Variants in TTC29 observed in about 807,000 individuals in gnomAD.
TTC29 encodes tetratricopeptide repeat protein 29.
Under a neutral mutation model 58.1 loss-of-function variants are expected in TTC29, and 49 were observed. The observed-to-expected ratio is 0.84, with a 90% CI of 0.67 to 1.07. TTC29 has a LOEUF of 1.07. Among genes scored for constraint, TTC29 ranks in the 50% least tolerant of loss-of-function variants. The probability of loss-of-function intolerance (pLI) is 0.00; values close to 1 mark genes in which losing one functional copy is unlikely to be tolerated. For missense variants in TTC29, 582 were observed against 555.6 expected (o/e 1.05, Z -0.48); for synonymous variants, 209 against 196.8 (o/e 1.06, Z -0.52).
rs371730977 is a variant in TTC29 at position 146,894,742 on chromosome 4, A to T, written c.586+8802T>A. Among the ~76,000 whole-genome samples the T allele has an allele frequency of 2.8e-4, 43 of 152,298 alleles. No individual in the cohort carries two copies. The East Asian group carries it at 8.1e-3, about 29-fold the overall frequency. On this transcript the variant is annotated intron_variant, in intron 6 of 12. Coordinates refer to ENST00000325106, the MANE Select transcript of TTC29 (RefSeq NM_031956.4). ...TACCCAGTCTCAGGTAGTTCCTTAT[A>T]GCAATGTGAGAACAGACTAATATAG...
intron 11 of TTC29, among the ~76,000 whole-genome samples, chr4:146,722,594 T>C (rs1183612127): frequency 1.3e-5 from 2 of 152,104 alleles, no homozygotes; most frequent in African/African-American, 4.8e-5. Context: ...ATTCAATAAA[T>C]GGTGCTAGAA....
chr4:146,945,026 C>T lies in TTC29; in HGVS notation c.-7+5G>A, dbSNP rs890663277. 1 of 152,168 alleles carries T rather than the reference C, an allele frequency of 6.6e-6. No homozygotes were observed. The highest frequency in any genetic ancestry group is 1.5e-5 in the Non-Finnish European group (1 of 68,038). The allele number at this position is 152,168 out of a possible 1,614,324, so 9.4% of individuals were successfully genotyped here. A position where few individuals can be genotyped will look rare whatever the true frequency, so the allele number is the denominator to read the frequency against. ...TGAAGGCAAGCCATATTTCACGTGA[C>T]TTACATTTGCAGATTACTGCTGATG... is the stretch of plus-strand genomic sequence containing the variant. On this transcript the variant is annotated splice_donor_5th_base_variant and intron_variant, in intron 2 of 12. Coordinates refer to ENST00000325106, the MANE Select transcript of TTC29 (RefSeq NM_031956.4).
chr4:146,737,718 G>C (rs1468574994), intron 11 of TTC29, among the ~76,000 whole-genome samples: 1 of 152,082 alleles, frequency 6.6e-6, no homozygotes, highest in East Asian at 1.9e-4. Flanking sequence ...ATATTGCATG[G>C]GTTTGGATGG....
chr4:146,942,682 G>A, intron 2 of TTC29: 1 of 1,462,326 alleles, frequency 6.8e-7, no homozygotes, highest in Non-Finnish European at 9.1e-7. Flanking sequence ...CACCAGTGTA[G>A]CCCTAGTAAA....
At chr4:146,739,706 T>G (rs1380289123) in intron 11 of TTC29, among the ~76,000 whole-genome samples, 1 of 152,204 alleles carries the variant, frequency 6.6e-6, no homozygotes, top group African/African-American at 2.4e-5. Context: ...CTGTCTTTTA[T>G]ATTCATATAT....
intron 11 of TTC29, among the ~76,000 whole-genome samples, chr4:146,713,552 T>C (rs1233679811): frequency 2.0e-5 from 3 of 152,110 alleles, no homozygotes; most frequent in Non-Finnish European, 2.9e-5. Context: ...AGTAAAATAA[T>C]CAAGATGGAA....
chr4:146,881,049 A>G (rs1034775239), intron 6 of TTC29, among the ~76,000 whole-genome samples: 1 of 152,156 alleles, frequency 6.6e-6, no homozygotes, highest in African/African-American at 2.4e-5. Flanking sequence ...AAGTTTAAAT[A>G]AAATAATATC....
At chr4:146,833,057 CTT>C (rs1728271933) in intron 9 of TTC29, among the ~76,000 whole-genome samples, 3 of 152,122 alleles carry the variant, frequency 2.0e-5, no homozygotes, top group Admixed American at 2.0e-4. Context: ...GAAATTAGAA[CTT>C]AATACAATCT....
chr4:146,801,254 C>T (rs1034714025), intron 11 of TTC29, among the ~76,000 whole-genome samples: 5 of 152,078 alleles, frequency 3.3e-5, no homozygotes, highest in Admixed American at 1.3e-4. Flanking sequence ...CAGAATTTCA[C>T]GTCTTTTGAA....
rs1163667931 is a variant in TTC29 at position 146,762,817 on chromosome 4, AT to A, written c.1330+40639del. 7.9e-5 allele frequency among the ~76,000 whole-genome samples: 12 copies of A among 152,092 alleles called. No homozygotes were observed. In the South Asian group the frequency reaches 1.2e-3, roughly 16 times the overall value. On this transcript the variant is annotated intron_variant, in intron 11 of 12. Transcript: ENST00000325106. ...GTATATTTTCCAGAACATGGAAAAT[AT>A]TTTTTTATTTATTTCAAAAAAAGTA...
At chr4:146,801,333 G>A (rs555939814) in intron 11 of TTC29, among the ~76,000 whole-genome samples, 1 of 152,246 alleles carries the variant, frequency 6.6e-6, no homozygotes, top group South Asian at 2.1e-4. Context: ...CCAAATAGAA[G>A]GGCTACCCCT....
intron 11 of TTC29, among the ~76,000 whole-genome samples, chr4:146,758,393 G>C (rs1223372414): frequency 6.6e-6 from 1 of 151,940 alleles, no homozygotes; most frequent in Non-Finnish European, 1.5e-5. Flanking sequence ...ATAATAGCAG[G>C]GGACTTCAAT....
At chr4:146,871,575 G>A (rs1730933304) in intron 7 of TTC29, among the ~76,000 whole-genome samples, 1 of 151,812 alleles carries the variant, frequency 6.6e-6, no homozygotes, top group African/African-American at 2.4e-5. Flanking sequence ...CAAGCTATAA[G>A]ATCAATATAG....
At chr4:146,939,159 C>G (rs1736125767) in intron 3 of TTC29, among the ~76,000 whole-genome samples, 1 of 152,110 alleles carries the variant, frequency 6.6e-6, no homozygotes. Flanking sequence ...AGATTAAAAG[C>G]ATTACACCTT....
At chr4:146,748,785 G>T (rs1380725413) in intron 11 of TTC29, among the ~76,000 whole-genome samples, 2 of 152,124 alleles carry the variant, frequency 1.3e-5, no homozygotes, top group East Asian at 3.9e-4. Flanking sequence ...ATTTAGAAGA[G>T]GTGACCAAAT....
chr4:146,765,932 G>A (rs943085640), intron 11 of TTC29, among the ~76,000 whole-genome samples: 1 of 152,178 alleles, frequency 6.6e-6, no homozygotes, highest in Non-Finnish European at 1.5e-5. Context: ...GGAATATATG[G>A]CCTCTGCCAT....
chr4:146,935,735 A>G (rs929228666), intron 4 of TTC29, among the ~76,000 whole-genome samples: 1 of 152,126 alleles, frequency 6.6e-6, no homozygotes, highest in Non-Finnish European at 1.5e-5. Flanking sequence ...ATAAAATATC[A>G]TTGTCTCTCC....
intron 11 of TTC29, among the ~76,000 whole-genome samples, chr4:146,738,306 AG>A (rs1324416386): frequency 7.9e-5 from 12 of 152,196 alleles, no homozygotes; most frequent in African/African-American, 2.4e-4. Flanking sequence ...AACAACTTTA[AG>A]GAGCCTCAGA....
chr4:146,874,037 ATT>A (rs769029197), intron 7 of TTC29, among the ~76,000 whole-genome samples: 8 of 152,124 alleles, frequency 5.3e-5, no homozygotes, highest in Admixed American at 5.2e-4. Context: ...TATGCTCCAA[ATT>A]TTTTCTTTAT....
Sources: gnomAD v4.1 joint callset for allele counts (sites outside exome capture counted in the v4.1 genomes callset) on GRCh38, gnomAD v4.1.1 for gene constraint, MANE v1.5 for transcripts, NCBI Gene and HGNC (gene_info 2026-07-23, HGNC 2026-07-21) for gene names.